DPEP1: variants seen among roughly 807,000 people sequenced by gnomAD.
The protein encoded by DPEP1 is dipeptidase 1.
DPEP1 carries 50 observed loss-of-function variants against 42.3 expected under a neutral mutation model. The observed-to-expected ratio is 1.18, with a 90% CI of 0.94 to 1.50. The LOEUF (loss-of-function observed/expected upper bound fraction) is 1.50. Ranked by LOEUF, DPEP1 falls within the 40% of genes most tolerant of loss-of-function variation. The pLI is 0.00. For missense variants in DPEP1, 663 were observed against 553.0 expected, an observed-to-expected ratio of 1.20 and a Z score of -1.99; for synonymous variants, 297 against 234.0, an observed-to-expected ratio of 1.27 and a Z score of -2.46.
Position 89,636,327 on chromosome 16 carries a change from C to T in DPEP1, c.301C>T (p.Gln101Ter), listed in dbSNP as rs765916866. 6.3e-5 allele frequency: 101 copies of T among 1,612,452 alleles called. No individual in the cohort carries two copies. Among genetic ancestry groups the T allele is most frequent in the Non-Finnish European group, 8.2e-5 (97 of 1,179,902 alleles). The change falls in exon 4 of 11, where the codon CAG (glutamine) becomes TAG (stop). Residue 101 changes from glutamine to a stop codon, truncating the protein, a stop_gained. Transcript: ENST00000690203. LOFTEE classifies it high-confidence loss of function. ...NKDAVRRTLE[Q>*]MDVVHRMCRM... ...AGACGCCGTGCGGAGGACGCTGGAG[C>T]AGATGGACGTGGTCCACCGCATGTG...
downstream of DPEP1, chr16:89,638,451 T>C (rs2059713158): frequency 7.6e-7 from 1 of 1,318,162 alleles, no homozygotes; most frequent in African/African-American, 1.5e-5. Context: ...GTACGTGTCA[T>C]CGGCATCCGG....
At chr16:89,638,466 G>C (rs2059713302), downstream of DPEP1, 1 of 1,308,130 alleles carries the variant, frequency 7.6e-7, no homozygotes, top group Non-Finnish European at 9.7e-7. Context: ...ATCCGGCTCA[G>C]GAGGTGGGGT....
In DPEP1 at chr16:89,637,749, T is replaced by C. The variant is rs750171316; in HGVS notation, c.929+42T>C. 8.7e-6 allele frequency: 14 copies of C among 1,612,368 alleles called. 1 individual carries two copies. The South Asian group carries it at 1.4e-4, about 16-fold the overall frequency. On this transcript the variant is annotated intron_variant, in intron 9 of 10. Transcript: ENST00000690203. ...TCTGTCCTGTGGATGAGCCGGGAGG[T>C]TCATGGCCTCGTCAGAGGGATGAGG...
chr16:89,630,979 A>C (rs940284120), intron 2 of DPEP1, among the ~76,000 whole-genome samples: 3 of 152,076 alleles, frequency 2.0e-5, no homozygotes, highest in South Asian at 4.1e-4. Flanking sequence ...GGGACTGGGC[A>C]GGAAGGAGGC....
At chr16:89,620,208 G>A (rs766405575) in intron 1 of DPEP1, among the ~76,000 whole-genome samples, 1 of 152,072 alleles carries the variant, frequency 6.6e-6, no homozygotes, top group African/African-American at 2.4e-5. Context: ...AGAAACTGAG[G>A]ACGGAGTTTG....
At chr16:89,623,194 G>A (rs1490960996) in intron 1 of DPEP1, among the ~76,000 whole-genome samples, 1 of 151,812 alleles carries the variant, frequency 6.6e-6, no homozygotes, top group Non-Finnish European at 1.5e-5. Flanking sequence ...AAAAGGAGCT[G>A]CTGTGGACCC....
downstream of DPEP1, chr16:89,638,516 C>T (rs1276714423): frequency 1.6e-6 from 2 of 1,226,032 alleles, no homozygotes; most frequent in African/African-American, 3.1e-5. Context: ...TGGGGCACTC[C>T]TGTGATCCTG....
intron 1 of DPEP1, among the ~76,000 whole-genome samples, chr16:89,616,640 T>A (rs753574699): frequency 1.3e-5 from 2 of 152,156 alleles, no homozygotes; most frequent in Non-Finnish European, 2.9e-5. Flanking sequence ...TTGAAGTTTG[T>A]GATCAGGAAT....
At chr16:89,629,989 C>T (rs74662972) in intron 1 of DPEP1, among the ~76,000 whole-genome samples, 1,683 of 152,270 alleles carry the variant, frequency 0.011, 24 homozygotes, top group African/African-American at 0.039. Context: ...TCTAGGCCCC[C>T]GGGTCCTGAG....
chr16:89,632,787 G>A (rs2059606647), intron 2 of DPEP1, among the ~76,000 whole-genome samples: 1 of 152,156 alleles, frequency 6.6e-6, no homozygotes, highest in African/African-American at 2.4e-5. Flanking sequence ...GCGGGGCACA[G>A]TGGCTCACAG....
At chr16:89,636,478 C>T in intron 4 of DPEP1, 55 bp from the exon 5 acceptor site, 3 of 1,598,916 alleles carry the variant, frequency 1.9e-6, no homozygotes, top group Non-Finnish European at 2.6e-6. Context: ...GGTCAGGACA[C>T]CTCACCCTCC....
chr16:89,624,781 C>A (rs767144970), intron 1 of DPEP1, among the ~76,000 whole-genome samples: 1 of 152,102 alleles, frequency 6.6e-6, no homozygotes, highest in Non-Finnish European at 1.5e-5. Flanking sequence ...GTGATACACC[C>A]GCCGCACTCT....
rs1188634765 is a variant in DPEP1, at chr16:89,630,471, G to A, written c.61G>A (p.Asp21Asn). The change falls in exon 2 of 11, where the codon GAC becomes AAC. Residue 21 changes from aspartate to asparagine, a missense_variant. By Grantham distance (23) the Asp-to-Asn change is conservative. Coordinates refer to ENST00000690203, the MANE Select transcript of DPEP1 (RefSeq NM_001389466.1). ...VAVCTADFFRDEAERIMRDSP... is the reference protein window; with the variant it reads ...VAVCTADFFRNEAERIMRDSP... The stretch of plus-strand genomic sequence containing the variant: ...CGTCTGCACTGCAGACTTCTTTCGG[G>A]ACGAGGCAGAGAGGATCATGAGGGA... The A allele has an allele frequency of 1.9e-6, 3 of 1,610,132 alleles. No homozygotes were observed.
At chr16:89,613,376 T>C (rs976374995), upstream of DPEP1, 2 of 152,290 alleles carry the variant, frequency 1.3e-5, no homozygotes, top group Non-Finnish European at 2.9e-5. Context: ...ATGAGGAAGC[T>C]GCTGGAGAAG....
At chr16:89,619,934 C>A (rs2059428378) in intron 1 of DPEP1, among the ~76,000 whole-genome samples, 1 of 132,432 alleles carries the variant, frequency 7.6e-6, no homozygotes, top group Non-Finnish European at 1.6e-5. Context: ...TGTGACTAGC[C>A]CAGCAGCAGC....
downstream of DPEP1, among the ~76,000 whole-genome samples, chr16:89,640,060 G>A (rs934430718): frequency 1.3e-4 from 20 of 152,346 alleles, no homozygotes; most frequent in African/African-American, 4.8e-4. Context: ...GAACCAGGCC[G>A]ACCACAGGGA....
At chr16:89,634,443 C>A (rs2059633777) in intron 2 of DPEP1, among the ~76,000 whole-genome samples, 1 of 152,070 alleles carries the variant, frequency 6.6e-6, no homozygotes, top group African/African-American at 2.4e-5. Context: ...TCTGCCAGGC[C>A]CTGTTGGGCA....
intron 2 of DPEP1, among the ~76,000 whole-genome samples, chr16:89,634,535 C>T (rs939964001): frequency 1.1e-5 from 1 of 88,646 alleles, no homozygotes; most frequent in Non-Finnish European, 2.4e-5. Flanking sequence ...GTTCCCCTTC[C>T]TTCTCCTTTC....
At position 89,636,247 on chromosome 16, in the gene DPEP1, C is replaced by T. The variant is rs1330446502; in HGVS notation, c.238-17C>T. 1.2e-5 allele frequency: 19 copies of T among 1,599,496 alleles called. No homozygotes were observed. The highest frequency in any genetic ancestry group is 1.6e-5 in the Non-Finnish European group (19 of 1,175,144). ...GACCTGGCTGCATCAGCTCCTGGCA[C>T]CCCCTGCGGCCCACAGTTCTGGTCC... On this transcript the variant is annotated splice_polypyrimidine_tract_variant and intron_variant, in intron 3 of 10. Coordinates refer to ENST00000690203, the MANE Select transcript of DPEP1 (RefSeq NM_001389466.1).
Sources: allele counts gnomAD v4.1 joint callset (sites outside exome capture counted in the v4.1 genomes callset), GRCh38; gene constraint gnomAD v4.1.1; transcripts MANE v1.5; gene names NCBI Gene and HGNC (gene_info 2026-07-23, HGNC 2026-07-21).